RIC3: variants seen among roughly 807,000 people sequenced by gnomAD.
The protein encoded by RIC3 is protein RIC-3.
RIC3 carries 28 observed loss-of-function variants against 27.3 expected under a neutral mutation model. The ratio of observed to expected loss-of-function variants is 1.02; its 90% CI spans 0.76 to 1.41. The LOEUF (loss-of-function observed/expected upper bound fraction) is 1.41, where lower values mean the gene tolerates loss of function less well. RIC3 is among the 40% of genes most tolerant of loss of function. RIC3 has a pLI of 0.00. For missense variants in RIC3, 501 were observed against 444.7 expected (o/e 1.13, Z -1.14); for synonymous variants, 184 against 160.4 (o/e 1.15, Z -1.11).
intron 1 of RIC3, among the ~76,000 whole-genome samples, chr11:8,158,290 G>A (rs1408287597): frequency 1.3e-5 from 2 of 152,118 alleles, no homozygotes; most frequent in Non-Finnish European, 2.9e-5. Context: ...TATTCCACAG[G>A]AACAGGGCCA....
rs138445346 is a variant in RIC3 at position 8,124,779 on chromosome 11, A to C, written c.670+1880T>G. Among the ~76,000 whole-genome samples the C allele has an allele frequency of 2.9e-3, 448 of 152,356 alleles. 3 individuals carry two copies. Among genetic ancestry groups the C allele is most frequent in the African/African-American group, 0.01 (435 of 41,584 alleles). On this transcript the variant is annotated intron_variant, in intron 5 of 5. Coordinates refer to ENST00000309737, the MANE Select transcript of RIC3 (RefSeq NM_001206671.4). Reference sequence around the variant, plus strand: ...TCAAGCTAATTAAATGTAACAAAAGAAGCTGAACAATTGGGTATTTGATAT... The same window carrying C: ...TCAAGCTAATTAAATGTAACAAAAGCAGCTGAACAATTGGGTATTTGATAT...
chr11:8,119,938 A>C (rs1946263048), intron 5 of RIC3, among the ~76,000 whole-genome samples: 1 of 152,270 alleles, frequency 6.6e-6, no homozygotes, highest in African/African-American at 2.4e-5. Context: ...AGACATATGA[A>C]AAAATGCTCA....
At chr11:8,128,960 T>G (rs1172467088) in intron 4 of RIC3, among the ~76,000 whole-genome samples, 2 of 151,924 alleles carry the variant, frequency 1.3e-5, no homozygotes. Flanking sequence ...TTCACCGTGT[T>G]AGCCAGGATG....
chr11:8,153,469 T>C (rs748189845), intron 1 of RIC3: 4 of 448,082 alleles, frequency 8.9e-6, no homozygotes, highest in Non-Finnish European at 1.8e-5. Flanking sequence ...ATTCAATAAA[T>C]ATTGGATTAA....
At chr11:8,103,345 G>T (rs1221129334), downstream of RIC3, 1 of 152,240 alleles carries the variant, frequency 6.6e-6, no homozygotes, top group Non-Finnish European at 1.5e-5. Context: ...GCAAGCAGGG[G>T]TCGTACCTTG....
the RIC3 span, chr11:8,100,685 G>A: frequency 2.7e-6 from 4 of 1,494,750 alleles, no homozygotes; most frequent in African/African-American, 1.6e-5. Context: ...CAGCTGATGT[G>A]TGTATGTGGA....
the RIC3 span, chr11:8,096,764 T>C: frequency 6.2e-7 from 1 of 1,614,114 alleles, no homozygotes; most frequent in Non-Finnish European, 8.5e-7. Flanking sequence ...AGCTAAATAG[T>C]AACACCCGCC....
chr11:8,115,677 C>A (rs1945776234), intron 5 of RIC3, among the ~76,000 whole-genome samples: 1 of 152,026 alleles, frequency 6.6e-6, no homozygotes, highest in Non-Finnish European at 1.5e-5. Flanking sequence ...CATGGTGGTG[C>A]ATGCCTGTAA....
the RIC3 span, among the ~76,000 whole-genome samples, chr11:8,099,585 A>G: frequency 6.6e-6 from 1 of 152,220 alleles, no homozygotes; most frequent in Non-Finnish European, 1.5e-5. Flanking sequence ...AGGATATAGT[A>G]ATGAACAGAC....
chr11:8,097,356 C>A, the RIC3 span: 1 of 1,614,170 alleles, frequency 6.2e-7, no homozygotes, highest in Admixed American at 1.7e-5. Flanking sequence ...TCACTCGGGA[C>A]AAGAAAGGGA....
At chr11:8,137,877 G>T (rs759386942) in intron 3 of RIC3, among the ~76,000 whole-genome samples, 2 of 142,494 alleles carry the variant, frequency 1.4e-5, no homozygotes, top group African/African-American at 5.1e-5. Flanking sequence ...GAATATTCTA[G>T]TTGTATAATA....
At chr11:8,119,004 A>G (rs930299320) in intron 5 of RIC3, among the ~76,000 whole-genome samples, 3 of 152,206 alleles carry the variant, frequency 2.0e-5, no homozygotes, top group Non-Finnish European at 2.9e-5. Context: ...ATGAGGAAAA[A>G]AGATAAGCTA....
downstream of RIC3, chr11:8,105,994 T>C (rs901731080): frequency 1.3e-5 from 2 of 151,948 alleles, no homozygotes; most frequent in African/African-American, 4.8e-5. Flanking sequence ...GATTGTCTTT[T>C]CCTATTTTGG....
At position 8,109,379 on chromosome 11, in the gene RIC3, C is replaced by T. The variant is rs1168535310; in HGVS notation, c.*1319G>A. On this transcript the variant is annotated 3_prime_UTR_variant, in exon 6 of 6. Transcript: ENST00000309737. ...GTCTTACATGTAAACTGAATTCACA[C>T]ATACCTCATGATGTAATTCATGGGT... The T allele has an allele frequency of 3.3e-5, 5 of 152,194 alleles. No homozygotes were observed. Among genetic ancestry groups the T allele is most frequent in the African/African-American group, 1.2e-4 (5 of 41,440 alleles). The allele number at this position is 152,194 out of a possible 1,614,324, so 9.4% of individuals were successfully genotyped here.
At chr11:8,095,698 A>G in the RIC3 span, 8 of 1,557,948 alleles carry the variant, frequency 5.1e-6, no homozygotes, top group African/African-American at 1.4e-5. Context: ...GATACCCCCA[A>G]AACTCAGTCC....
Position 8,106,672 on chromosome 11 carries a change from C to T in RIC3, c.*4026G>A, listed in dbSNP as rs537062969. ...ACCCTAACCCATTTAAACAGGACCT[C>T]GAGATGCTTAGGAATCTTTTTTTGT... On this transcript the variant is annotated 3_prime_UTR_variant, in exon 6 of 6. Coordinates refer to ENST00000309737, the MANE Select transcript of RIC3 (RefSeq NM_001206671.4). 3 of 81,936 alleles carry T rather than the reference C, an allele frequency of 3.7e-5. No homozygotes were observed. The highest frequency in any genetic ancestry group is 5.3e-4 in the South Asian group (1 of 1,886). The allele number at this position is 81,936 out of a possible 1,614,324, so 5.1% of individuals were successfully genotyped here. A position where few individuals can be genotyped will look rare whatever the true frequency, so the allele number is the denominator to read the frequency against.
downstream of RIC3, chr11:8,101,574 T>C (rs375592650): frequency 1.2e-5 from 20 of 1,614,122 alleles, no homozygotes; most frequent in Non-Finnish European, 1.6e-5. Flanking sequence ...TGCAGGCCTT[T>C]GCCATTGCCC....
chr11:8,138,501 A>C (rs1174375419), intron 2 of RIC3, 154 bp from the exon 3 acceptor site: 21 of 512,440 alleles, frequency 4.1e-5, no homozygotes, highest in Non-Finnish European at 6.5e-5. Context: ...CAAAAAAAAA[A>C]ACGCCAAAAG....
the RIC3 span, chr11:8,100,569 G>T: frequency 1.2e-6 from 2 of 1,614,112 alleles, no homozygotes; most frequent in Non-Finnish European, 1.7e-6. Context: ...CATGAACATG[G>T]TTCATGAGAG....
Sources: allele counts gnomAD v4.1 joint callset (sites outside exome capture counted in the v4.1 genomes callset), GRCh38; gene constraint gnomAD v4.1.1; transcripts MANE v1.5; gene names NCBI Gene and HGNC (gene_info 2026-07-23, HGNC 2026-07-21).